Variants in HS3ST4 observed in about 807,000 individuals in gnomAD.
The protein encoded by HS3ST4 is heparan sulfate glucosamine 3-O-sulfotransferase 4.
Under a neutral mutation model 29.2 loss-of-function variants are expected in HS3ST4, and 17 were observed. The observed-to-expected ratio is 0.58, with a 90% CI of 0.40 to 0.87. The LOEUF (loss-of-function observed/expected upper bound fraction) is 0.87. HS3ST4 is among the 40% of genes least tolerant of loss of function. The pLI, the probability that HS3ST4 is intolerant of heterozygous loss-of-function variation, is 0.00. For missense variants in HS3ST4, 627 were observed against 634.5 expected, an observed-to-expected ratio of 0.99 and a Z score of 0.13; for synonymous variants, 314 against 285.7, an observed-to-expected ratio of 1.10 and a Z score of -1.00.
At chr16:25,918,024 G>T (rs574848049) in intron 1 of HS3ST4, among the ~76,000 whole-genome samples, 1 of 152,150 alleles carries the variant, frequency 6.6e-6, no homozygotes, top group African/African-American at 2.4e-5. Context: ...TTGAGATAGG[G>T]TGGGGGGGAG....
At chr16:26,023,911 T>C (rs1969440619) in intron 1 of HS3ST4, among the ~76,000 whole-genome samples, 1 of 152,200 alleles carries the variant, frequency 6.6e-6, no homozygotes, top group Non-Finnish European at 1.5e-5. Context: ...ATGCTTCCTC[T>C]GTGAGGTCAT....
At position 25,916,711 on chromosome 16, in the gene HS3ST4, G is replaced by T. The variant is rs1283257226; in HGVS notation, c.735-218901G>T. Among the ~76,000 whole-genome samples the T allele has an allele frequency of 4.2e-5, 5 of 119,704 alleles. No individual in the cohort carries two copies. In the South Asian group the frequency reaches 1.3e-3, roughly 31 times the overall value. The allele number at this position is 119,704 out of a possible 152,430, so 78.5% of individuals were successfully genotyped here. ...TTTTTTTTTTTTGAGACAGAGTCTC[G>T]CGCTGTCCCCCAGGCTGGAGTGCAG... On this transcript the variant is annotated intron_variant, in intron 1 of 1. Coordinates refer to ENST00000331351, the MANE Select transcript of HS3ST4 (RefSeq NM_006040.3).
intron 1 of HS3ST4, among the ~76,000 whole-genome samples, chr16:25,725,491 A>G (rs180896738): frequency 6.6e-6 from 1 of 152,286 alleles, no homozygotes; most frequent in Non-Finnish European, 1.5e-5. Flanking sequence ...AAATCATTCT[A>G]ACTGCTCCCC....
At chr16:26,086,359 C>CTTTTTTTTTCT (rs35484055) in intron 1 of HS3ST4, among the ~76,000 whole-genome samples, 2 of 148,846 alleles carry the variant, frequency 1.3e-5, no homozygotes, top group East Asian at 2.0e-4. Flanking sequence ...CTTTTTTTTT[C>CTTTTTTTTTCT]TTTTTTTTGA....
At chr16:25,696,279 A>G (rs1267454173) in intron 1 of HS3ST4, among the ~76,000 whole-genome samples, 2 of 152,188 alleles carry the variant, frequency 1.3e-5, no homozygotes, top group Non-Finnish European at 2.9e-5. Flanking sequence ...TTTCAGAATG[A>G]GCTGATTACA....
intron 1 of HS3ST4, among the ~76,000 whole-genome samples, chr16:26,034,528 A>G (rs1218405456): frequency 6.6e-6 from 1 of 151,984 alleles, no homozygotes; most frequent in Middle Eastern, 3.2e-3. Context: ...AATACCCCAA[A>G]TTACCATTTT....
At chr16:26,076,468 G>C (rs2141779915) in intron 1 of HS3ST4, among the ~76,000 whole-genome samples, 2 of 152,290 alleles carry the variant, frequency 1.3e-5, no homozygotes, top group East Asian at 3.9e-4. Flanking sequence ...AGTGAAAAAA[G>C]TGGGATTGGA....
intron 1 of HS3ST4, among the ~76,000 whole-genome samples, chr16:25,907,817 T>A (rs1968194479): frequency 6.6e-6 from 1 of 152,228 alleles, no homozygotes; most frequent in African/African-American, 2.4e-5. Context: ...GAAGAAAGAC[T>A]GTGATAAACC....
intron 1 of HS3ST4, among the ~76,000 whole-genome samples, chr16:25,778,889 G>A (rs957832580): frequency 6.6e-6 from 1 of 152,298 alleles, no homozygotes; most frequent in African/African-American, 2.4e-5. Context: ...TGGACTCAAC[G>A]ATTGCAAATC....
intron 1 of HS3ST4, among the ~76,000 whole-genome samples, chr16:25,852,086 T>A (rs983857489): frequency 2.0e-5 from 3 of 152,162 alleles, no homozygotes; most frequent in African/African-American, 7.2e-5. Flanking sequence ...GTAGTGGAGT[T>A]GAGATTTGAA....
chr16:25,710,980 C>G (rs1190774373), intron 1 of HS3ST4, among the ~76,000 whole-genome samples: 2 of 151,368 alleles, frequency 1.3e-5, no homozygotes, highest in Non-Finnish European at 2.9e-5. Context: ...CTATGCCCAA[C>G]TAATTTTTTA....
chr16:25,841,036 G>C (rs1044763693), intron 1 of HS3ST4, among the ~76,000 whole-genome samples: 6 of 151,304 alleles, frequency 4.0e-5, no homozygotes, highest in Middle Eastern at 3.4e-3. Flanking sequence ...ACAGAGTCTT[G>C]CTCTGTCACC....
intron 1 of HS3ST4, among the ~76,000 whole-genome samples, chr16:25,835,492 G>GA (rs34505838): frequency 0.72 from 109,017 of 150,986 alleles, 39,452 homozygotes; most frequent in South Asian, 0.87. Context: ...GACAGATGAT[G>GA]AAAAAAAAAA....
intron 1 of HS3ST4, among the ~76,000 whole-genome samples, chr16:26,006,010 C>A (rs4289001): frequency 2.6e-5 from 4 of 151,958 alleles, no homozygotes; most frequent in African/African-American, 9.7e-5. Flanking sequence ...TTAAATGAGG[C>A]TCAAGTGGCC....
At chr16:25,714,918 T>G (rs1966441732) in intron 1 of HS3ST4, among the ~76,000 whole-genome samples, 1 of 152,258 alleles carries the variant, frequency 6.6e-6, no homozygotes, top group African/African-American at 2.4e-5. Flanking sequence ...GAGTATGCAC[T>G]TTAAAATTCT....
chr16:25,858,983 T>C (rs1402586463), intron 1 of HS3ST4, among the ~76,000 whole-genome samples: 2 of 152,144 alleles, frequency 1.3e-5, no homozygotes, highest in East Asian at 3.8e-4. Flanking sequence ...AACCTACTCT[T>C]TCCTCTGCAG....
intron 1 of HS3ST4, among the ~76,000 whole-genome samples, chr16:25,895,989 C>T (rs1485275020): frequency 6.6e-5 from 10 of 152,050 alleles, no homozygotes; most frequent in African/African-American, 2.4e-5. Context: ...CTAATGTCCA[C>T]GGCCCTGGTG....
At chr16:25,970,844 A>T (rs1387917910) in intron 1 of HS3ST4, among the ~76,000 whole-genome samples, 1 of 151,690 alleles carries the variant, frequency 6.6e-6, no homozygotes, top group Non-Finnish European at 1.5e-5. Flanking sequence ...CACCTTTTGT[A>T]CAAGCATCCT....
chr16:25,860,651 ACATTCTGGATATGG>A (rs1967627267), intron 1 of HS3ST4, among the ~76,000 whole-genome samples: 1 of 152,230 alleles, frequency 6.6e-6, no homozygotes, highest in Admixed American at 6.5e-5. Context: ...TGACTGCATG[ACATTCTGGATATGG>A]CAAAACTATA....
Sources: gnomAD v4.1 joint callset for allele counts (sites outside exome capture counted in the v4.1 genomes callset) on GRCh38, gnomAD v4.1.1 for gene constraint, MANE v1.5 for transcripts, NCBI Gene and HGNC (gene_info 2026-07-23, HGNC 2026-07-21) for gene names.